Variants in FAT4 observed in about 807,000 individuals in gnomAD.
FAT4 encodes FAT atypical cadherin 4.
A neutral mutation model predicts 303.9 loss-of-function variants in FAT4; 84 were observed. The ratio of observed to expected loss-of-function variants is 0.28; its 90% CI spans 0.23 to 0.33. The LOEUF (loss-of-function observed/expected upper bound fraction) is 0.33, where lower values mean the gene tolerates loss of function less well. Among genes scored for constraint, FAT4 ranks in the 10% least tolerant of loss-of-function variants. The probability of loss-of-function intolerance (pLI) is 1.00; values close to 1 mark genes in which losing one functional copy is unlikely to be tolerated. For synonymous variants in FAT4, 2,307 were observed against 2,298.8 expected, an observed-to-expected ratio of 1.00 and a Z score of -0.10; for missense variants, 6,005 against 6,146.8, an observed-to-expected ratio of 0.98 and a Z score of 0.77.
intron 3 of FAT4, among the ~76,000 whole-genome samples, chr4:125,403,414 A>C (rs764359050): frequency 6.6e-6 from 1 of 152,016 alleles, no homozygotes; most frequent in Admixed American, 6.6e-5. Flanking sequence ...GAATTAAGAA[A>C]TATCTCTCTT....
chr4:125,341,696 G>A, intron 2 of FAT4, among the ~76,000 whole-genome samples: 1 of 151,872 alleles, frequency 6.6e-6, no homozygotes, highest in East Asian at 1.9e-4. Context: ...ACAATTAGTA[G>A]CTATAAATGT....
At chr4:125,421,399 A>T (rs1008990765) in intron 7 of FAT4, among the ~76,000 whole-genome samples, 8 of 152,318 alleles carry the variant, frequency 5.3e-5, no homozygotes, top group African/African-American at 1.9e-4. Context: ...TGCTTGTTTT[A>T]AATTTTATTA....
At chr4:125,481,395 G>A in intron 15 of FAT4, 126 bp from the exon 16 acceptor site, 4 of 717,902 alleles carry the variant, frequency 5.6e-6, no homozygotes, top group Non-Finnish European at 9.2e-6. Flanking sequence ...TAAGAGTAGA[G>A]TTGGGGGACA....
At chr4:125,405,631 C>T (rs1734569151) in intron 3 of FAT4, among the ~76,000 whole-genome samples, 1 of 151,956 alleles carries the variant, frequency 6.6e-6, no homozygotes. Context: ...CTGCATCAGC[C>T]TCCCGAGTAG....
At position 125,452,111 on chromosome 4, in the gene FAT4, G is replaced by A. The variant is rs1438509271; in HGVS notation, c.11101G>A (p.Val3701Ile). The change falls in exon 10 of 18, where the codon GTT (valine) becomes ATT (isoleucine). Residue 3701 changes from valine (V) to isoleucine (I), a missense_variant. Val to Ile is a conservative substitution (Grantham distance 29). Coordinates refer to ENST00000394329, the MANE Select transcript of FAT4 (RefSeq NM_001291303.3). ...CAGCACAGTCACGAGCAACATCCGA[G>A]TTTTCTTTGCTGGATTTTCCAATGC... ...VHSTVTSNIRVFFAGFSNATV... is the reference protein window; with the variant it reads ...VHSTVTSNIRIFFAGFSNATV... The A allele has an allele frequency of 5.6e-6, 9 of 1,614,038 alleles. No individual in the cohort carries two copies. Among genetic ancestry groups the A allele is most frequent in the Non-Finnish European group, 7.6e-6 (9 of 1,180,046 alleles).
Position 125,318,548 on chromosome 4 carries a change from G to A in FAT4, c.2137G>A (p.Ala713Thr). ...AGGTAGCTACATCACCACTGTGTCT[G>A]CCACTGACCCAGACTTGGGTACCAA... ...PGGSYITTVS[A>T]TDPDLGTNGT... is the part of the protein sequence containing the mutation. Residue 713 changes from alanine (A) to threonine (T), a missense_variant, in exon 2 of 18, where the codon GCC (alanine) becomes ACC (threonine). Physicochemically the swap from Ala to Thr is moderately conservative, Grantham distance 58 (BLOSUM62 0). Coordinates refer to ENST00000394329, the MANE Select transcript of FAT4 (RefSeq NM_001291303.3). 1 of 1,614,150 alleles carries A rather than the reference G, an allele frequency of 6.2e-7. No homozygotes were observed. The highest frequency in any genetic ancestry group is 8.5e-7 in the Non-Finnish European group (1 of 1,180,012).
intron 2 of FAT4, among the ~76,000 whole-genome samples, chr4:125,366,943 G>GT (rs1732910453): frequency 6.6e-6 from 1 of 151,748 alleles, no homozygotes; most frequent in Non-Finnish European, 1.5e-5. Context: ...CTTTTTAATG[G>GT]TATTTGTTAT....
intron 2 of FAT4, among the ~76,000 whole-genome samples, chr4:125,334,355 A>C (rs369411122): frequency 2.0e-5 from 3 of 151,956 alleles, no homozygotes; most frequent in East Asian, 3.9e-4. Flanking sequence ...ACCTGTCCCC[A>C]TCCCATCCAT....
At chr4:125,427,416 AT>A (rs1285907134) in intron 7 of FAT4, among the ~76,000 whole-genome samples, 1 of 151,192 alleles carries the variant, frequency 6.6e-6, no homozygotes, top group African/African-American at 2.5e-5. Context: ...CTATGCAAAA[AT>A]AATGAAAAAA....
chr4:125,385,001 C>CAT (rs1277413637), intron 2 of FAT4, among the ~76,000 whole-genome samples: 97 of 120,252 alleles, frequency 8.1e-4, no homozygotes, highest in African/African-American at 2.9e-3. Context: ...TATATATATA[C>CAT]ATATATATAT....
At position 125,490,241 on chromosome 4, in the gene FAT4, T is replaced by C. The variant is rs756608601; in HGVS notation, c.13425T>C (p.Cys4475=). The C allele has an allele frequency of 1.9e-6, 3 of 1,614,040 alleles. No individual in the cohort carries two copies. Among genetic ancestry groups the C allele is most frequent in the Non-Finnish European group, 8.5e-7 (1 of 1,179,996 alleles). Residue 4475 remains cysteine, a synonymous_variant, in exon 18 of 18, where the codon TGT becomes TGC. Transcript: ENST00000394329. ...EMVVACLGVL[C]PQGKVCKAGS... ...TGGTGGCCTGTCTTGGCGTCCTCTGTCCTCAGGGGAAGGTGTGCAAAGCTG... is the reference window on the plus strand; with the variant it reads ...TGGTGGCCTGTCTTGGCGTCCTCTGCCCTCAGGGGAAGGTGTGCAAAGCTG...
At chr4:125,391,311 A>G (rs1205750749) in intron 2 of FAT4, among the ~76,000 whole-genome samples, 1 of 152,238 alleles carries the variant, frequency 6.6e-6, no homozygotes, top group Non-Finnish European at 1.5e-5. Flanking sequence ...AATGTGGTAC[A>G]TATACACCAT....
chr4:125,452,209 T>A lies in FAT4; in HGVS notation c.11199T>A (p.Leu3733=), dbSNP rs543237881. Residue 3733 remains leucine, a synonymous_variant, in exon 10 of 18, where the codon CTT becomes CTA. Transcript: ENST00000394329. ...AGGACTTCTTGACCAACCACTATCT[T>A]CATTTTTTACGCATTGCCAGCTCAC... ...TVKDFLTNHY[L]HFLRIASSQL... 1 of 1,614,232 alleles carries A rather than the reference T, an allele frequency of 6.2e-7. No homozygotes were observed. The highest frequency in any genetic ancestry group is 8.5e-7 in the Non-Finnish European group (1 of 1,180,042).
At chr4:125,442,533 C>G (rs1231575053) in intron 8 of FAT4, among the ~76,000 whole-genome samples, 2 of 152,088 alleles carry the variant, frequency 1.3e-5, no homozygotes, top group Non-Finnish European at 2.9e-5. Context: ...GTGGAAAATT[C>G]CACACCTGAT....
chr4:125,442,026 A>G (rs1197144066), intron 8 of FAT4, among the ~76,000 whole-genome samples: 6 of 152,200 alleles, frequency 3.9e-5, no homozygotes, highest in Admixed American at 2.6e-4. Context: ...CTCTTGCCAT[A>G]TGATGGTAAG....
chr4:125,470,182 A>T (rs2126077587), intron 12 of FAT4, among the ~76,000 whole-genome samples: 1 of 152,320 alleles, frequency 6.6e-6, no homozygotes, highest in Admixed American at 6.5e-5. Context: ...TAGGCTAAAA[A>T]ATATTCAATA....
intron 2 of FAT4, among the ~76,000 whole-genome samples, chr4:125,359,147 T>A (rs1050820763): frequency 6.6e-6 from 1 of 152,154 alleles, no homozygotes; most frequent in Non-Finnish European, 1.5e-5. Flanking sequence ...CATCATCACA[T>A]AGTAGCACAT....
rs1676480560 is a variant in FAT4, at chr4:125,434,285, A to C, written c.7059A>C (p.Ile2353=). ...CTGGAACTGGAACAATCAACGTCAT[A>C]GTAGATGATGTCAATGACAATGTCC... ...ALTGTGTINV[I]VDDVNDNVPT... is the part of the protein sequence containing the mutation. The change falls in exon 8 of 18, where the codon ATA becomes ATC. Residue 2353 remains isoleucine (I), a synonymous_variant. Transcript: ENST00000394329. 6.2e-7 allele frequency: 1 copy of C among 1,613,936 alleles called. No individual in the cohort carries two copies. Among genetic ancestry groups the C allele is most frequent in the African/African-American group, 1.3e-5 (1 of 74,934 alleles).
At chr4:125,357,150 G>A (rs1362484728) in intron 2 of FAT4, among the ~76,000 whole-genome samples, 1 of 152,060 alleles carries the variant, frequency 6.6e-6, no homozygotes, top group African/African-American at 2.4e-5. Context: ...ATCCATCAGT[G>A]TGTTCAACTA....
Sources: allele counts gnomAD v4.1 joint callset (sites outside exome capture counted in the v4.1 genomes callset), GRCh38; gene constraint gnomAD v4.1.1; transcripts MANE v1.5; gene names NCBI Gene and HGNC (gene_info 2026-07-23, HGNC 2026-07-21).